The following CDS1 variants were observed in gnomAD, a reference collection of about 807,000 sequenced individuals.
CDS1 encodes phosphatidate cytidylyltransferase 1.
In CDS1, 41 loss-of-function variants were observed where a neutral mutation model predicts 62.1. The ratio of observed to expected loss-of-function variants is 0.66; its 90% CI spans 0.51 to 0.86. The LOEUF (loss-of-function observed/expected upper bound fraction) is 0.86, where lower values mean the gene tolerates loss of function less well. Among genes scored for constraint, CDS1 ranks in the 40% least tolerant of loss-of-function variants. The pLI is 0.00. For missense variants in CDS1, 470 were observed against 550.1 expected, an observed-to-expected ratio of 0.85 and a Z score of 1.46; for synonymous variants, 185 against 192.6, an observed-to-expected ratio of 0.96 and a Z score of 0.32.
chr4:84,597,537 G>A (rs1722788941), intron 1 of CDS1, among the ~76,000 whole-genome samples: 1 of 152,146 alleles, frequency 6.6e-6, no homozygotes. Context: ...TGCTTGAGTG[G>A]CTGAGGTGGG....
At chr4:84,595,394 C>T (rs757369951) in intron 1 of CDS1, among the ~76,000 whole-genome samples, 4 of 152,146 alleles carry the variant, frequency 2.6e-5, no homozygotes, top group Non-Finnish European at 5.9e-5. Context: ...TTTTATTTCT[C>T]AATTATTTAT....
chr4:84,634,976 C>T (rs1476202658), intron 7 of CDS1, among the ~76,000 whole-genome samples: 1 of 152,028 alleles, frequency 6.6e-6, no homozygotes, highest in African/African-American at 2.4e-5. Context: ...ACATGTTCCT[C>T]ATAAAACTAA....
chr4:84,599,752 T>C (rs960676314), intron 1 of CDS1, among the ~76,000 whole-genome samples: 1 of 152,146 alleles, frequency 6.6e-6, no homozygotes, highest in African/African-American at 2.4e-5. Flanking sequence ...AATATTCCAC[T>C]GTATGAAAGT....
chr4:84,648,482 T>C, intron 12 of CDS1, 75 bp from the exon 13 acceptor site: 1 of 1,380,924 alleles, frequency 7.2e-7, no homozygotes. Flanking sequence ...ATGGTTTGTT[T>C]TAAATTGGAG....
rs1187296763 is a variant in CDS1, at chr4:84,645,321, A to G, written c.1252A>G (p.Ile418Val). ...TGTACATGTGTACATCACAAGTTTTATAAGGTACTTTTACACTTGAGACAT... is the reference window on the plus strand; with the variant it reads ...TGTACATGTGTACATCACAAGTTTTGTAAGGTACTTTTACACTTGAGACAT... The part of the protein sequence containing the change: ...TFVHVYITSF[I>V]RGPNPSKVLQ... Residue 418 changes from isoleucine to valine, a missense_variant, in exon 12 of 13, where the codon ATA (isoleucine) becomes GTA (valine). By Grantham distance (29) the Ile-to-Val change is conservative. This residue lies in a region of CDS1 where 68 missense variants were observed against 81.5 expected (regional missense o/e 0.83). Transcript: ENST00000295887. The G allele has an allele frequency of 1.3e-6, 2 of 1,571,418 alleles. No individual in the cohort carries two copies. The highest frequency in any genetic ancestry group is 2.2e-5 in the East Asian group (1 of 44,590).
intron 5 of CDS1, among the ~76,000 whole-genome samples, chr4:84,624,290 AC>A (rs1723787727): frequency 7.0e-6 from 1 of 142,340 alleles, no homozygotes; most frequent in Non-Finnish European, 1.5e-5. Flanking sequence ...AAAAAAACAA[AC>A]AAAAAAAAAA....
At chr4:84,600,742 C>T (rs1439701045) in intron 1 of CDS1, among the ~76,000 whole-genome samples, 6 of 152,180 alleles carry the variant, frequency 3.9e-5, no homozygotes, top group Non-Finnish European at 7.3e-5. Context: ...TATTCTCTTT[C>T]CAAACTTGTT....
intron 5 of CDS1, among the ~76,000 whole-genome samples, chr4:84,621,490 G>C (rs1026133827): frequency 6.6e-6 from 1 of 152,188 alleles, no homozygotes; most frequent in African/African-American, 2.4e-5. Context: ...ATGGTAATGG[G>C]AATTTTCAGA....
chr4:84,599,405 C>CATATAT lies in CDS1; in HGVS notation c.118-4797_118-4792dup, dbSNP rs59313355. ...TTTGGCAAATTTTGACACACACACA[C>CATATAT]ATATATATATATATATATATATATA... On this transcript the variant is annotated intron_variant, in intron 1 of 12. Coordinates refer to ENST00000295887, the MANE Select transcript of CDS1 (RefSeq NM_001263.4). Among the ~76,000 whole-genome samples, 202 of 24,440 alleles carry CATATAT rather than the reference C, an allele frequency of 8.3e-3. 1 individual carries two copies. Among genetic ancestry groups the CATATAT allele is most frequent in the African/African-American group, 0.012 (93 of 7,776 alleles). 16.0% of individuals were successfully genotyped at this position (24,440 alleles called of 152,430 possible). A position where few individuals can be genotyped will look rare whatever the true frequency, so the allele number is the denominator to read the frequency against.
rs796407897 is a variant in CDS1 at position 84,587,528 on chromosome 4, T to C, written c.117+4010T>C. Among the ~76,000 whole-genome samples, 73 of 152,248 alleles carry C rather than the reference T, an allele frequency of 4.8e-4. 1 individual carries two copies. Among genetic ancestry groups the C allele is most frequent in the African/African-American group, 1.6e-3 (68 of 41,546 alleles). On this transcript the variant is annotated intron_variant, in intron 1 of 12. Transcript: ENST00000295887. ...ATTAGAGAGTCAGTGAAGCCAAGAT[T>C]GAAGTGGATGACCACAGATTCAGGT...
intron 3 of CDS1, among the ~76,000 whole-genome samples, chr4:84,614,043 A>G (rs1452311716): frequency 6.6e-6 from 1 of 152,180 alleles, no homozygotes; most frequent in African/African-American, 2.4e-5. Context: ...CTTAATTTAT[A>G]TGTTTTTAAA....
intron 1 of CDS1, among the ~76,000 whole-genome samples, chr4:84,597,195 T>C (rs554365378): frequency 1.2e-4 from 18 of 152,268 alleles, no homozygotes; most frequent in Admixed American, 6.5e-4. Flanking sequence ...CAGTGGGGAA[T>C]AGAACAGGGC....
At chr4:84,607,690 G>A (rs2110050164) in intron 2 of CDS1, among the ~76,000 whole-genome samples, 1 of 152,038 alleles carries the variant, frequency 6.6e-6, no homozygotes, top group East Asian at 1.9e-4. Context: ...GAGCCCAGGA[G>A]TTAGAGACCA....
At chr4:84,622,684 T>G (rs1723727437) in intron 5 of CDS1, among the ~76,000 whole-genome samples, 1 of 152,216 alleles carries the variant, frequency 6.6e-6, no homozygotes, top group Admixed American at 6.5e-5. Flanking sequence ...GTTTTCAAAC[T>G]GAATTTCAAA....
At position 84,630,058 on chromosome 4, in the gene CDS1, G is replaced by A. The variant is rs549992644; in HGVS notation, c.581-1761G>A. Among the ~76,000 whole-genome samples the A allele has an allele frequency of 1.8e-4, 27 of 152,182 alleles. No individual in the cohort carries two copies. The South Asian group carries it at 5.4e-3, about 30-fold the overall frequency. On this transcript the variant is annotated intron_variant, in intron 5 of 12. Transcript: ENST00000295887. ...GCCCCTTACCCATTGGCTTTGAACC[G>A]AGTCCAGTCCACGTTTGCCTTTAAC...
intron 9 of CDS1, among the ~76,000 whole-genome samples, chr4:84,640,584 A>G (rs976212345): frequency 1.4e-4 from 22 of 152,160 alleles, no homozygotes; most frequent in African/African-American, 4.8e-4. Flanking sequence ...GTACCGTATA[A>G]TTGTGATTAT....
At chr4:84,619,572 A>C (rs368014358) in intron 5 of CDS1, 39 bp downstream of exon 5, 152 of 1,204,596 alleles carry the variant, frequency 1.3e-4, no homozygotes, top group Non-Finnish European at 1.7e-4. Context: ...TATAGTTAAC[A>C]TATTTTCCAT....
chr4:84,626,816 T>C (rs74590108), intron 5 of CDS1, among the ~76,000 whole-genome samples: 191 of 152,318 alleles, frequency 1.3e-3, no homozygotes, highest in African/African-American at 4.4e-3. Flanking sequence ...TATGTATTTG[T>C]TGGATAAACG....
chr4:84,647,241 G>A (rs995320910), intron 12 of CDS1, among the ~76,000 whole-genome samples: 15 of 151,722 alleles, frequency 9.9e-5, no homozygotes, highest in African/African-American at 3.6e-4. Flanking sequence ...TCCTTTTAAT[G>A]GGACTATTTA....
Sources: allele counts gnomAD v4.1 joint callset (sites outside exome capture counted in the v4.1 genomes callset), GRCh38; gene constraint gnomAD v4.1.1; regional missense constraint gnomAD v4.1.1; transcripts MANE v1.5; gene names NCBI Gene and HGNC (gene_info 2026-07-23, HGNC 2026-07-21).